The following RAB38 variants were observed in gnomAD, a reference collection of about 807,000 sequenced individuals.
The protein encoded by RAB38 is RAB38, member RAS oncogene family.
RAB38 carries 15 observed loss-of-function variants against 18.4 expected under a neutral mutation model. The ratio of observed to expected loss-of-function variants is 0.82; its 90% CI spans 0.55 to 1.26. RAB38 has a LOEUF of 1.26. Among genes scored for constraint, RAB38 ranks in the 50% most tolerant of loss-of-function variants. The pLI is 0.00. For synonymous variants in RAB38, 101 were observed against 104.4 expected (o/e 0.97, Z 0.20); for missense variants, 294 against 267.4 (o/e 1.10, Z -0.69).
chr11:88,088,876 C>T, the RAB38 span, among the ~76,000 whole-genome samples: 29 of 151,546 alleles, frequency 1.9e-4, no homozygotes, highest in Non-Finnish European at 3.7e-4. Flanking sequence ...CTCTCATAGA[C>T]GTCTAAGACA....
the RAB38 span, among the ~76,000 whole-genome samples, chr11:87,899,095 G>C: frequency 6.6e-6 from 1 of 151,588 alleles, no homozygotes; most frequent in Non-Finnish European, 1.5e-5. Flanking sequence ...CTCAATAGTG[G>C]AATGGGCTGC....
chr11:87,894,930 G>A, the RAB38 span, among the ~76,000 whole-genome samples: 1 of 151,518 alleles, frequency 6.6e-6, no homozygotes, highest in Non-Finnish European at 1.5e-5. Context: ...GGATTAAGTA[G>A]CTCTGATTAC....
chr11:87,884,140 C>T, the RAB38 span, among the ~76,000 whole-genome samples: 1 of 151,914 alleles, frequency 6.6e-6, no homozygotes, highest in Admixed American at 6.6e-5. Context: ...CATCATCTAT[C>T]CTTATCTTTA....
At chr11:88,150,190 T>C (rs1339822937) in intron 1 of RAB38, among the ~76,000 whole-genome samples, 1 of 152,250 alleles carries the variant, frequency 6.6e-6, no homozygotes, top group East Asian at 1.9e-4. Flanking sequence ...GTGTACCATG[T>C]AATATTCTAG....
the RAB38 span, among the ~76,000 whole-genome samples, chr11:87,917,568 A>C: frequency 6.7e-6 from 1 of 149,784 alleles, no homozygotes; most frequent in Non-Finnish European, 1.5e-5. Context: ...AGGGAAAGAC[A>C]AAACATATTT....
chr11:87,862,078 G>C, the RAB38 span, among the ~76,000 whole-genome samples: 78 of 152,048 alleles, frequency 5.1e-4, no homozygotes, highest in African/African-American at 1.7e-3. Context: ...ATGTAAATCA[G>C]TTAAACTATT....
At chr11:87,896,649 T>G in the RAB38 span, among the ~76,000 whole-genome samples, 1 of 151,592 alleles carries the variant, frequency 6.6e-6, no homozygotes, top group Admixed American at 6.6e-5. Flanking sequence ...TAGACCAACA[T>G]TTCCAGGCAG....
chr11:88,131,538 T>C (rs1161772366), intron 2 of RAB38, among the ~76,000 whole-genome samples: 2 of 152,236 alleles, frequency 1.3e-5, no homozygotes, highest in Admixed American at 1.3e-4. Context: ...TAAGTAGGGT[T>C]TCCTATAAAA....
the RAB38 span, among the ~76,000 whole-genome samples, chr11:87,922,264 C>T: frequency 7.9e-5 from 12 of 151,924 alleles, no homozygotes; most frequent in Non-Finnish European, 1.6e-4. Context: ...ATCTGTCATC[C>T]ACCCCCACAA....
At chr11:87,942,742 A>AGAT in the RAB38 span, among the ~76,000 whole-genome samples, 1 of 152,196 alleles carries the variant, frequency 6.6e-6, no homozygotes, top group Non-Finnish European at 1.5e-5. Context: ...TGACTGCTGA[A>AGAT]GATAACAGGA....
chr11:88,160,578 C>T (rs1943178203), intron 1 of RAB38, among the ~76,000 whole-genome samples: 1 of 152,052 alleles, frequency 6.6e-6, no homozygotes, highest in African/African-American at 2.4e-5. Flanking sequence ...ATGGAATCAA[C>T]CTAGGTGCCC....
intron 1 of RAB38, among the ~76,000 whole-genome samples, chr11:88,162,536 T>C (rs1943198298): frequency 1.3e-5 from 2 of 152,094 alleles, no homozygotes; most frequent in African/African-American, 2.4e-5. Context: ...TCACTTTCTT[T>C]CCACTCCCAC....
At chr11:87,875,663 T>G in the RAB38 span, among the ~76,000 whole-genome samples, 3 of 151,500 alleles carry the variant, frequency 2.0e-5, no homozygotes, top group Admixed American at 1.3e-4. Flanking sequence ...TAATTTTCAT[T>G]GCAGTTTTAA....
At chr11:87,870,831 A>T in the RAB38 span, among the ~76,000 whole-genome samples, 1 of 151,618 alleles carries the variant, frequency 6.6e-6, no homozygotes, top group Non-Finnish European at 1.5e-5. Flanking sequence ...TTGTGTATGG[A>T]ATAACTATCA....
chr11:87,947,385 T>A, the RAB38 span, among the ~76,000 whole-genome samples: 2 of 152,162 alleles, frequency 1.3e-5, no homozygotes, highest in Non-Finnish European at 2.9e-5. Context: ...AGAAGCTCTT[T>A]AGTTTAATTA....
chr11:87,818,115 C>T, the RAB38 span, among the ~76,000 whole-genome samples: 1 of 152,060 alleles, frequency 6.6e-6, no homozygotes, highest in Non-Finnish European at 1.5e-5. Flanking sequence ...TACAGATAGC[C>T]GGGAGCTCCA....
chr11:88,081,629 C>T, the RAB38 span, among the ~76,000 whole-genome samples: 6 of 151,878 alleles, frequency 4.0e-5, no homozygotes, highest in South Asian at 2.1e-4. Context: ...CCCTCTGTGT[C>T]GCTGTGTGTT....
At chr11:87,823,584 A>G in the RAB38 span, among the ~76,000 whole-genome samples, 1 of 152,200 alleles carries the variant, frequency 6.6e-6, no homozygotes, top group African/African-American at 2.4e-5. Flanking sequence ...TCAATGGAAC[A>G]GAATAGAAAG....
the RAB38 span, among the ~76,000 whole-genome samples, chr11:88,052,929 T>A: frequency 5.2e-5 from 3 of 57,982 alleles, no homozygotes; most frequent in Admixed American, 2.6e-4. Context: ...TATATATATA[T>A]ATATATATAT....
Sources: allele counts gnomAD v4.1 joint callset (sites outside exome capture counted in the v4.1 genomes callset), GRCh38; gene constraint gnomAD v4.1.1; transcripts MANE v1.5; gene names NCBI Gene and HGNC (gene_info 2026-07-23, HGNC 2026-07-21).